The following SCML2 variants were observed in gnomAD, a reference collection of about 807,000 sequenced individuals.
The protein encoded by SCML2 is sex comb on midleg-like protein 2.
SCML2 carries 6 observed loss-of-function variants against 48.4 expected under a neutral mutation model. That is an observed-to-expected ratio of 0.12 (90% CI 0.07 to 0.24). SCML2 has a LOEUF of 0.24. Among genes scored for constraint, SCML2 ranks in the 10% least tolerant of loss-of-function variants. SCML2 has a pLI of 1.00. For synonymous variants in SCML2, 181 were observed against 189.5 expected, an observed-to-expected ratio of 0.95 and a Z score of 0.37; for missense variants, 377 against 528.2, an observed-to-expected ratio of 0.71 and a Z score of 2.81.
At position 18,338,578 on chromosome X, in the gene SCML2, G is replaced by C. The variant is rs372355031; in HGVS notation, c.-24-4483C>G. Among the ~76,000 whole-genome samples, 3 of 110,374 alleles carry C rather than the reference G, an allele frequency of 2.7e-5. No homozygotes were observed. In the East Asian group the frequency reaches 8.5e-4, roughly 31 times the overall value. On this transcript the variant is annotated intron_variant, in intron 1 of 14. Coordinates refer to ENST00000251900, the MANE Select transcript of SCML2 (RefSeq NM_006089.3). ...GATTACCAGAGGCTGGGGAGGAAGGGGCAAGGAATGGGGAGTTGGTCAAAG... is the reference window on the plus strand; with the variant it reads ...GATTACCAGAGGCTGGGGAGGAAGGCGCAAGGAATGGGGAGTTGGTCAAAG...
Position 18,334,055 on chromosome X carries a change from T to C in SCML2, c.17A>G (p.Asn6Ser). The change falls in exon 2 of 15, where the codon AAT becomes AGT. Residue 6 changes from asparagine to serine, a missense_variant. Asn to Ser is a conservative substitution (Grantham distance 46). Coordinates refer to ENST00000251900, the MANE Select transcript of SCML2 (RefSeq NM_006089.3). The part of the protein sequence containing the change: MGQTV[N>S]EDSMDVKKEN... Reference sequence around the variant, plus strand: ...CTTTAACAAGTAAATCTTACCTTCATTCACTGTTTGTCCCATGGTATCCCT... The same window carrying C: ...CTTTAACAAGTAAATCTTACCTTCACTCACTGTTTGTCCCATGGTATCCCT... 8.4e-7 allele frequency: 1 copy of C among 1,197,339 alleles called. No homozygotes were observed. The highest frequency in any genetic ancestry group is 1.1e-6 in the Non-Finnish European group (1 of 888,012).
chrX:18,270,152 C>T (rs1179954805), intron 7 of SCML2, among the ~76,000 whole-genome samples: 1 of 108,009 alleles, frequency 9.3e-6, no homozygotes, highest in Non-Finnish European at 1.9e-5. Flanking sequence ...TTTAGCCTCC[C>T]AAGTAGCTAG....
rs752400343 is a variant in SCML2, at chrX:18,346,049, G to A, written c.-25+8543C>T. Among the ~76,000 whole-genome samples the A allele has an allele frequency of 6.3e-5, 7 of 110,690 alleles. No individual in the cohort carries two copies. The East Asian group carries it at 8.5e-4, about 13-fold the overall frequency. ...CAAAGTGCCGGGATTACAGGCTCAC[G>A]TAAGCCACGGCGCTCGGCCGAGATT... On this transcript the variant is annotated intron_variant, in intron 1 of 14. Coordinates refer to ENST00000251900, the MANE Select transcript of SCML2 (RefSeq NM_006089.3).
intron 7 of SCML2, among the ~76,000 whole-genome samples, chrX:18,268,547 C>A (rs1927335447): frequency 9.1e-6 from 1 of 109,710 alleles, no homozygotes; most frequent in African/African-American, 3.3e-5. Context: ...AAAAAAAATC[C>A]CATTTCTCCA....
At chrX:18,300,314 C>T (rs1028280461) in intron 7 of SCML2, among the ~76,000 whole-genome samples, 2 of 98,828 alleles carry the variant, frequency 2.0e-5, no homozygotes, top group Non-Finnish European at 4.1e-5. Context: ...ACAGGAGGAT[C>T]ACTTGAGCCC....
chrX:18,339,602 T>C (rs1046051362), intron 1 of SCML2, among the ~76,000 whole-genome samples: 1 of 111,354 alleles, frequency 9.0e-6, no homozygotes, highest in Non-Finnish European at 1.9e-5. Flanking sequence ...CAGTCCCAGC[T>C]ACCTGGGAGG....
chrX:18,277,202 C>G (rs1397813676), intron 7 of SCML2, among the ~76,000 whole-genome samples: 1 of 111,185 alleles, frequency 9.0e-6, no homozygotes, highest in African/African-American at 3.3e-5. Context: ...TCTCAAGTAG[C>G]TGGGACTACA....
At chrX:18,242,321 T>C (rs1488437371) in intron 14 of SCML2, 118 bp downstream of exon 14, 22 of 755,757 alleles carry the variant, frequency 2.9e-5, no homozygotes, top group Non-Finnish European at 4.0e-5. Flanking sequence ...CTCTCTCACA[T>C]ATGGAAAAAT....
At chrX:18,320,784 G>A (rs1358839067) in intron 5 of SCML2, among the ~76,000 whole-genome samples, 1 of 111,393 alleles carries the variant, frequency 9.0e-6, no homozygotes, top group Admixed American at 9.6e-5. Context: ...AAGACTTCTA[G>A]CCCCCTTTTC....
intron 6 of SCML2, among the ~76,000 whole-genome samples, chrX:18,306,602 A>C (rs887466842): frequency 8.9e-6 from 1 of 111,925 alleles, no homozygotes; most frequent in Non-Finnish European, 1.9e-5. Flanking sequence ...AAAAGCAAGC[A>C]ATTTTTTAAA....
intron 3 of SCML2, 47 bp downstream of exon 3, chrX:18,330,540 C>A: frequency 1.3e-6 from 1 of 778,355 alleles, no homozygotes; most frequent in Non-Finnish European, 1.8e-6. Context: ...AATTTTAACA[C>A]TAGTGAGGAA....
At chrX:18,256,534 C>G (rs1021150746) in intron 11 of SCML2, among the ~76,000 whole-genome samples, 1 of 111,604 alleles carries the variant, frequency 9.0e-6, no homozygotes, top group Non-Finnish European at 1.9e-5. Context: ...AGGCTCAACA[C>G]GCTTTGCTAA....
At chrX:18,289,806 C>T (rs745516348) in intron 7 of SCML2, among the ~76,000 whole-genome samples, 9 of 111,527 alleles carry the variant, frequency 8.1e-5, no homozygotes, top group African/African-American at 2.6e-4. Context: ...CTCCTCTCTG[C>T]GCATACCTGA....
At chrX:18,257,984 A>G (rs1602082759) in intron 10 of SCML2, 60 bp downstream of exon 10, 2 of 587,394 alleles carry the variant, frequency 3.4e-6, no homozygotes, top group Admixed American at 5.9e-5. Flanking sequence ...GGAAGGGGGA[A>G]GGGAAGGGGG....
chrX:18,265,769 G>A lies in SCML2; in HGVS notation c.764C>T (p.Ser255Phe). 2.5e-6 allele frequency: 3 copies of A among 1,208,473 alleles called. No homozygotes were observed. In the East Asian group the frequency reaches 8.9e-5, roughly 36 times the overall value. The change falls in exon 8 of 15, where the codon TCT (serine) becomes TTT (phenylalanine). Residue 255 changes from serine to phenylalanine, a missense_variant. Transcript: ENST00000251900. ...ATGCTGGCTTGCTTCGGAAGGAGAA[G>A]ACTCTGTTTTTGCTATATTCTTTAC... is the stretch of plus-strand genomic sequence containing the variant. The part of the protein sequence containing the change: ...PIVKNIAKTE[S>F]SPSEASQHSM...
At chrX:18,343,677 C>T (rs1930094363) in intron 1 of SCML2, among the ~76,000 whole-genome samples, 1 of 103,783 alleles carries the variant, frequency 9.6e-6, no homozygotes, top group Non-Finnish European at 2.0e-5. Context: ...GGGAGAACTG[C>T]TTGTACCCGG....
At chrX:18,279,070 G>C (rs1178117084) in intron 7 of SCML2, among the ~76,000 whole-genome samples, 3 of 112,500 alleles carry the variant, frequency 2.7e-5, no homozygotes, top group Non-Finnish European at 5.6e-5. Flanking sequence ...AAGCACAACA[G>C]TCATCAGAGG....
At chrX:18,286,576 G>A (rs945470908) in intron 7 of SCML2, among the ~76,000 whole-genome samples, 10 of 111,298 alleles carry the variant, frequency 9.0e-5, no homozygotes, top group East Asian at 2.9e-4. Context: ...GTAGCTGACC[G>A]TCAGAAACAC....
intron 8 of SCML2, 95 bp downstream of exon 8, chrX:18,265,490 C>A: frequency 1.6e-6 from 1 of 644,308 alleles, no homozygotes. Context: ...TCTAAAGACC[C>A]TCATCATACT....
Sources: allele counts gnomAD v4.1 joint callset (sites outside exome capture counted in the v4.1 genomes callset), GRCh38; gene constraint gnomAD v4.1.1; transcripts MANE v1.5; gene names NCBI Gene and HGNC (gene_info 2026-07-23, HGNC 2026-07-21).